IL1RAPL1: variants seen among roughly 807,000 people sequenced by gnomAD.
IL1RAPL1 encodes the protein interleukin 1 receptor accessory protein like 1.
IL1RAPL1 carries 3 observed loss-of-function variants against 48.4 expected under a neutral mutation model. The ratio of observed to expected loss-of-function variants is 0.06; its 90% CI spans 0.03 to 0.16. IL1RAPL1 has a LOEUF of 0.16. IL1RAPL1 is among the 10% of genes least tolerant of loss of function. The pLI, the probability that IL1RAPL1 is intolerant of heterozygous loss-of-function variation, is 1.00. For synonymous variants in IL1RAPL1, 185 were observed against 187.7 expected (o/e 0.99, Z 0.12); for missense variants, 349 against 530.6 (o/e 0.66, Z 3.36).
chrX:29,352,892 A>G (rs958711896), intron 3 of IL1RAPL1, among the ~76,000 whole-genome samples: 1 of 111,672 alleles, frequency 9.0e-6, no homozygotes, highest in Non-Finnish European at 1.9e-5. Flanking sequence ...CTTCCCTGTT[A>G]TTTCTCACTT....
chrX:29,146,672 A>G (rs1251735878), intron 2 of IL1RAPL1, among the ~76,000 whole-genome samples: 1 of 112,124 alleles, frequency 8.9e-6, no homozygotes, highest in East Asian at 2.8e-4. Context: ...CCTTTTATGT[A>G]CTTGATTAGA....
At chrX:29,424,632 G>A (rs1399675641) in intron 5 of IL1RAPL1, among the ~76,000 whole-genome samples, 1 of 111,665 alleles carries the variant, frequency 9.0e-6, no homozygotes, top group East Asian at 2.8e-4. Context: ...GCAAGCCAGG[G>A]GAACAACTGT....
chrX:29,316,312 CA>C (rs1932770249), intron 3 of IL1RAPL1, among the ~76,000 whole-genome samples: 1 of 111,949 alleles, frequency 8.9e-6, no homozygotes. Context: ...ACATTTTAGG[CA>C]AAAGTGGCCG....
rs1470162208 is a variant in IL1RAPL1 at position 28,641,521 on chromosome X, A to G, written c.-25+53474A>G. 4.5e-5 allele frequency among the ~76,000 whole-genome samples: 5 copies of G among 111,759 alleles called. No individual in the cohort carries two copies. The East Asian group carries it at 1.4e-3, about 31-fold the overall frequency. On this transcript the variant is annotated intron_variant, in intron 1 of 10. Transcript: ENST00000378993. ...GCTAGTGTGAATAGTGCGTGCTGCA[A>G]TAAACATATGTGTGTAAGTGTCTTT...
At chrX:29,551,071 C>G (rs916056600) in intron 5 of IL1RAPL1, among the ~76,000 whole-genome samples, 3 of 112,232 alleles carry the variant, frequency 2.7e-5, no homozygotes, top group Non-Finnish European at 5.6e-5. Context: ...CACTATTTGT[C>G]TTTTTGGGTA....
At chrX:29,619,888 T>C (rs963197353) in intron 5 of IL1RAPL1, among the ~76,000 whole-genome samples, 9 of 111,886 alleles carry the variant, frequency 8.0e-5, no homozygotes, top group Non-Finnish European at 9.4e-5. Context: ...AGGCTTCATA[T>C]TGATATTATT....
chrX:28,621,554 C>G (rs1203559299), intron 1 of IL1RAPL1, among the ~76,000 whole-genome samples: 2 of 111,827 alleles, frequency 1.8e-5, no homozygotes, highest in Non-Finnish European at 3.8e-5. Flanking sequence ...AGACCGCATT[C>G]TTTTGCAAAC....
chrX:28,832,286 A>G (rs1177819593), intron 2 of IL1RAPL1, among the ~76,000 whole-genome samples: 1 of 110,521 alleles, frequency 9.0e-6, no homozygotes, highest in Non-Finnish European at 1.9e-5. Flanking sequence ...GGTAATCACT[A>G]TTCTCCTCTC....
At chrX:29,332,807 T>G (rs1285829592) in intron 3 of IL1RAPL1, among the ~76,000 whole-genome samples, 2 of 111,021 alleles carry the variant, frequency 1.8e-5, no homozygotes, top group Non-Finnish European at 3.8e-5. Flanking sequence ...TTCCGCAGTG[T>G]TTGTGTCCCT....
chrX:29,323,837 C>A (rs1439867151), intron 3 of IL1RAPL1, among the ~76,000 whole-genome samples: 1 of 84,861 alleles, frequency 1.2e-5, no homozygotes, highest in Non-Finnish European at 2.2e-5. Flanking sequence ...TAGAAACAAA[C>A]GGGTCACTCT....
intron 2 of IL1RAPL1, among the ~76,000 whole-genome samples, chrX:29,178,118 A>T (rs1341748200): frequency 9.0e-6 from 1 of 111,641 alleles, no homozygotes; most frequent in African/African-American, 3.3e-5. Flanking sequence ...CAGTAATGGG[A>T]TGGCTGGGTC....
intron 1 of IL1RAPL1, among the ~76,000 whole-genome samples, chrX:28,768,543 G>A (rs1333746940): frequency 9.2e-6 from 1 of 108,686 alleles, no homozygotes; most frequent in Non-Finnish European, 1.9e-5. Flanking sequence ...CAGTTCTGGA[G>A]TGTCAATATC....
intron 2 of IL1RAPL1, among the ~76,000 whole-genome samples, chrX:29,125,937 T>C (rs1253889146): frequency 2.8e-5 from 3 of 108,811 alleles, no homozygotes; most frequent in Non-Finnish European, 5.7e-5. Flanking sequence ...AGGGTTTAGA[T>C]TTTGGAAAGT....
intron 2 of IL1RAPL1, among the ~76,000 whole-genome samples, chrX:28,874,395 T>G (rs1337025077): frequency 1.8e-5 from 2 of 112,229 alleles, no homozygotes; most frequent in Non-Finnish European, 3.8e-5. Flanking sequence ...AAATATAAAC[T>G]TCTACAGCTA....
intron 6 of IL1RAPL1, among the ~76,000 whole-genome samples, chrX:29,705,823 T>C (rs1231859570): frequency 8.9e-6 from 1 of 112,477 alleles, no homozygotes; most frequent in Non-Finnish European, 1.9e-5. Flanking sequence ...CCTTGTAATA[T>C]GGAGATGAAA....
At chrX:28,734,217 C>T (rs1447835302) in intron 1 of IL1RAPL1, among the ~76,000 whole-genome samples, 2 of 111,582 alleles carry the variant, frequency 1.8e-5, no homozygotes, top group East Asian at 5.7e-4. Flanking sequence ...AATCTATTCT[C>T]AACACAGAAG....
intron 6 of IL1RAPL1, among the ~76,000 whole-genome samples, chrX:29,821,063 C>A (rs976723053): frequency 1.8e-5 from 2 of 111,680 alleles, no homozygotes; most frequent in African/African-American, 3.3e-5. Flanking sequence ...TGAGATGGCT[C>A]AGAAAGTTCA....
chrX:28,672,226 A>AG (rs201674664), intron 1 of IL1RAPL1, among the ~76,000 whole-genome samples: 6 of 106,314 alleles, frequency 5.6e-5, no homozygotes, highest in African/African-American at 1.8e-4. Flanking sequence ...AAAGAATGTT[A>AG]AAAAAAAAAT....
At chrX:29,170,623 G>A (rs191804804) in intron 2 of IL1RAPL1, among the ~76,000 whole-genome samples, 1 of 111,502 alleles carries the variant, frequency 9.0e-6, no homozygotes, top group Admixed American at 9.6e-5. Flanking sequence ...CAACGTATAT[G>A]TAGAAGTGAT....
Sources: gnomAD v4.1 joint callset for allele counts (sites outside exome capture counted in the v4.1 genomes callset) on GRCh38, gnomAD v4.1.1 for gene constraint, MANE v1.5 for transcripts, NCBI Gene and HGNC (gene_info 2026-07-23, HGNC 2026-07-21) for gene names.